GCNT1: variants seen among roughly 807,000 people sequenced by gnomAD.
GCNT1 encodes the protein beta-1,3-galactosyl-O-glycosyl-glycoprotein beta-1,6-N-acetylglucosaminyltransferase.
Under a neutral mutation model 26.2 loss-of-function variants are expected in GCNT1, and 16 were observed. The ratio of observed to expected loss-of-function variants is 0.61; its 90% CI spans 0.41 to 0.93. The LOEUF is 0.93. Among genes scored for constraint, GCNT1 ranks in the 40% least tolerant of loss-of-function variants. GCNT1 has a pLI of 0.00. For missense variants in GCNT1, 477 were observed against 526.7 expected (o/e 0.91, Z 0.92); for synonymous variants, 183 against 190.8 (o/e 0.96, Z 0.34).
chr9:76,397,499 A>G, the GCNT1 span, among the ~76,000 whole-genome samples: 4 of 149,096 alleles, frequency 2.7e-5, no homozygotes, highest in Non-Finnish European at 4.4e-5. Flanking sequence ...GTTGGAGTGC[A>G]GTGGCGCAAT....
the GCNT1 span, among the ~76,000 whole-genome samples, chr9:76,403,201 CT>C: frequency 6.6e-6 from 1 of 152,186 alleles, no homozygotes; most frequent in African/African-American, 2.4e-5. Flanking sequence ...GTATTCCTTC[CT>C]TCATCCATTC....
In GCNT1 at chr9:76,443,191, G is replaced by A. The variant is rs571489828; in HGVS notation, c.-290+876G>A. Among the ~76,000 whole-genome samples the A allele has an allele frequency of 1.1e-4, 16 of 152,252 alleles. 1 individual carries two copies. The highest frequency in any genetic ancestry group is 1.7e-4 in the African/African-American group (7 of 41,550). ...AGCCTGGCCAACATGGTGAAACCCC[G>A]TCTGTGAAGACCAGCTCGGTTGGGG... On this transcript the variant is annotated intron_variant, in intron 1 of 2. Transcript: ENST00000442371.
At chr9:76,447,286 C>A (rs1168888113) in intron 1 of GCNT1, among the ~76,000 whole-genome samples, 1 of 151,268 alleles carries the variant, frequency 6.6e-6, no homozygotes, top group African/African-American at 2.4e-5. Flanking sequence ...CTCACCCAGG[C>A]TGGAGTGCAG....
At chr9:76,428,302 A>AAAAAG (rs1222053703) in intron 1 of GCNT1, among the ~76,000 whole-genome samples, 5 of 149,432 alleles carry the variant, frequency 3.3e-5, no homozygotes, top group Admixed American at 1.3e-4. Context: ...TAAAAAAAAA[A>AAAAAG]AGAGAGAGAG....
rs117201762 is a variant in GCNT1, at chr9:76,420,398, C to T, written n.38+511C>T. Reference sequence around the variant, plus strand: ...AAGTAATCCTCCTCCCTTAGCCTCCCGAGAAGCCGGGATTACAGACACACA... The same window carrying T: ...AAGTAATCCTCCTCCCTTAGCCTCCTGAGAAGCCGGGATTACAGACACACA... On this transcript the variant is annotated intron_variant and non_coding_transcript_variant, in intron 1 of 3. Coordinates refer to the GCNT1 transcript ENST00000488136. 1.6e-3 allele frequency among the ~76,000 whole-genome samples: 236 copies of T among 152,152 alleles called. 1 individual carries two copies. Among genetic ancestry groups the T allele is most frequent in the East Asian group, 9.3e-3 (48 of 5,170 alleles).
chr9:76,482,811 ATT>A (rs56267257), intron 2 of GCNT1, among the ~76,000 whole-genome samples: 1 of 115,872 alleles, frequency 8.6e-6, no homozygotes. Context: ...CACCGGGCTA[ATT>A]TTTTTTTTTT....
intron 1 of GCNT1, among the ~76,000 whole-genome samples, chr9:76,443,926 G>A (rs865962406): frequency 5.3e-3 from 282 of 53,056 alleles, no homozygotes; most frequent in African/African-American, 0.021. Context: ...AGGAAGAAAG[G>A]AAGAAAGGAA....
intron 2 of GCNT1, among the ~76,000 whole-genome samples, chr9:76,487,087 C>T (rs963827124): frequency 1.3e-4 from 20 of 152,124 alleles, no homozygotes; most frequent in African/African-American, 4.6e-4. Flanking sequence ...TCAGAGACTA[C>T]CCTCCAAGCA....
chr9:76,488,827 T>A (rs1421107234), intron 2 of GCNT1, among the ~76,000 whole-genome samples: 2 of 152,220 alleles, frequency 1.3e-5, no homozygotes, highest in African/African-American at 4.8e-5. Flanking sequence ...TGCTATCATG[T>A]TAATAATTTT....
At chr9:76,483,587 A>T (rs1458583169) in intron 2 of GCNT1, among the ~76,000 whole-genome samples, 1 of 151,748 alleles carries the variant, frequency 6.6e-6, no homozygotes, top group Non-Finnish European at 1.5e-5. Context: ...GCTAATTTTT[A>T]AATTTTTCTT....
chr9:76,475,696 G>A (rs557692883), intron 2 of GCNT1, among the ~76,000 whole-genome samples: 16 of 152,272 alleles, frequency 1.1e-4, no homozygotes, highest in South Asian at 1.0e-3. Context: ...AGTGAGAGAC[G>A]ACGATAATTC....
intron 1 of GCNT1, among the ~76,000 whole-genome samples, chr9:76,432,286 A>G (rs1823346791): frequency 6.6e-6 from 1 of 152,230 alleles, no homozygotes; most frequent in African/African-American, 2.4e-5. Flanking sequence ...AAAATTGTCT[A>G]GTGAAAATAT....
At chr9:76,453,463 T>C (rs1823705393) in intron 1 of GCNT1, among the ~76,000 whole-genome samples, 1 of 152,222 alleles carries the variant, frequency 6.6e-6, no homozygotes, top group Non-Finnish European at 1.5e-5. Context: ...TTACCTTTAG[T>C]AAATTGTGCC....
At chr9:76,417,783 C>T (rs1225692479), upstream of GCNT1, among the ~76,000 whole-genome samples, 1 of 152,142 alleles carries the variant, frequency 6.6e-6, no homozygotes, top group South Asian at 2.1e-4. Context: ...TTAATTTCTT[C>T]AGTAATTTCT....
the GCNT1 span, among the ~76,000 whole-genome samples, chr9:76,408,976 A>C: frequency 3.2e-3 from 481 of 152,328 alleles, 2 homozygotes; most frequent in South Asian, 0.014. Flanking sequence ...GGTGTGGGCC[A>C]CCATGCCTGG....
At chr9:76,414,249 T>C in the GCNT1 span, among the ~76,000 whole-genome samples, 2 of 152,220 alleles carry the variant, frequency 1.3e-5, no homozygotes. Context: ...TTTTGCCTTT[T>C]AGTGTGCCTT....
chr9:76,421,370 C>T (rs537735831), intron 1 of GCNT1, among the ~76,000 whole-genome samples: 2 of 152,014 alleles, frequency 1.3e-5, no homozygotes, highest in South Asian at 2.1e-4. Context: ...GAGGCCAAGT[C>T]GGGCAGATCA....
chr9:76,462,573 G>C (rs1205222071), intron 2 of GCNT1, among the ~76,000 whole-genome samples: 1 of 152,166 alleles, frequency 6.6e-6, no homozygotes, highest in Non-Finnish European at 1.5e-5. Context: ...ATAGGCAAAT[G>C]TTCCCCGGAG....
At chr9:76,495,162 C>T (rs11144926) in intron 2 of GCNT1, among the ~76,000 whole-genome samples, 32,555 of 152,068 alleles carry the variant, frequency 0.21, 3,687 homozygotes, top group South Asian at 0.26. Flanking sequence ...TCCAAGGTCA[C>T]CAAGATGTGT....
Sources: gnomAD v4.1 joint callset for allele counts (sites outside exome capture counted in the v4.1 genomes callset) on GRCh38, gnomAD v4.1.1 for gene constraint, MANE v1.5 for transcripts, NCBI Gene and HGNC (gene_info 2026-07-23, HGNC 2026-07-21) for gene names.